Variants in CNTNAP5 observed in about 807,000 individuals in gnomAD.
The protein encoded by CNTNAP5 is contactin associated protein family member 5, also known as contactin-associated protein-like 5.
Under a neutral mutation model 150.2 loss-of-function variants are expected in CNTNAP5, and 72 were observed. The observed-to-expected ratio is 0.48, with a 90% CI of 0.40 to 0.58. The LOEUF (loss-of-function observed/expected upper bound fraction) is 0.58, where lower values mean the gene tolerates loss of function less well. CNTNAP5 is among the 20% of genes least tolerant of loss of function. The pLI is 0.00. For missense variants in CNTNAP5, 1,636 were observed against 1,626.2 expected, an observed-to-expected ratio of 1.01 and a Z score of -0.10; for synonymous variants, 672 against 619.8, an observed-to-expected ratio of 1.08 and a Z score of -1.25.
chr2:124,580,022 G>T (rs1696374527), intron 11 of CNTNAP5, among the ~76,000 whole-genome samples: 1 of 152,132 alleles, frequency 6.6e-6, no homozygotes. Flanking sequence ...TTTGTTCTTT[G>T]TTTGTTTGTT....
intron 7 of CNTNAP5, among the ~76,000 whole-genome samples, chr2:124,494,384 C>G (rs898946137): frequency 1.3e-5 from 2 of 152,050 alleles, no homozygotes; most frequent in African/African-American, 4.8e-5. Flanking sequence ...TACATCCCAG[C>G]TCCTGCAGAT....
intron 16 of CNTNAP5, among the ~76,000 whole-genome samples, 153 bp from the exon 17 acceptor site, chr2:124,772,646 G>T (rs1681229024): frequency 6.6e-6 from 1 of 152,180 alleles, no homozygotes; most frequent in Non-Finnish European, 1.5e-5. Flanking sequence ...TTTGGTAGCT[G>T]TTACTATTAA....
At chr2:124,525,342 G>C (rs981201665) in intron 9 of CNTNAP5, among the ~76,000 whole-genome samples, 1 of 152,188 alleles carries the variant, frequency 6.6e-6, no homozygotes, top group Non-Finnish European at 1.5e-5. Flanking sequence ...CAGAATTTCT[G>C]GAAAAGTTAA....
At chr2:124,615,478 A>C in intron 12 of CNTNAP5, among the ~76,000 whole-genome samples, 1 of 152,330 alleles carries the variant, frequency 6.6e-6, no homozygotes, top group South Asian at 2.1e-4. Context: ...AAATTTTATC[A>C]TGAGAATATA....
At chr2:124,439,196 G>A (rs549337942) in intron 5 of CNTNAP5, among the ~76,000 whole-genome samples, 1 of 152,210 alleles carries the variant, frequency 6.6e-6, no homozygotes, top group African/African-American at 2.4e-5. Context: ...GGAGAGGGGA[G>A]AAAAACAGGT....
chr2:124,070,411 A>G (rs1682276085), intron 1 of CNTNAP5, among the ~76,000 whole-genome samples: 1 of 150,020 alleles, frequency 6.7e-6, no homozygotes, highest in Non-Finnish European at 1.5e-5. Flanking sequence ...AAAAAAAAAA[A>G]AAAAAAAAGC....
At chr2:124,656,505 A>G (rs1310369571) in intron 13 of CNTNAP5, among the ~76,000 whole-genome samples, 1 of 152,170 alleles carries the variant, frequency 6.6e-6, no homozygotes, top group African/African-American at 2.4e-5. Context: ...CTAGTAATTT[A>G]CTCTTGGTAT....
intron 19 of CNTNAP5, among the ~76,000 whole-genome samples, chr2:124,849,309 T>C (rs1308395486): frequency 6.6e-6 from 1 of 152,158 alleles, no homozygotes; most frequent in Admixed American, 6.5e-5. Context: ...ATTTCTGGGA[T>C]CTCTCCTCTA....
chr2:124,448,139 G>A (rs890384348), intron 6 of CNTNAP5, among the ~76,000 whole-genome samples: 4 of 151,906 alleles, frequency 2.6e-5, no homozygotes, highest in East Asian at 1.9e-4. Context: ...ATGGTGGCTC[G>A]CGCCTGTAGT....
intron 1 of CNTNAP5, among the ~76,000 whole-genome samples, chr2:124,172,698 G>C (rs991270183): frequency 6.6e-6 from 1 of 152,092 alleles, no homozygotes. Flanking sequence ...ACAGGTGTGA[G>C]CCATGGCACC....
At chr2:124,706,759 A>C (rs1028925997) in intron 13 of CNTNAP5, among the ~76,000 whole-genome samples, 12 of 28,404 alleles carry the variant, frequency 4.2e-4, no homozygotes, top group Non-Finnish European at 7.0e-4. Context: ...GAAGAAGAAG[A>C]AGAAGAAGAA....
Position 124,605,304 on chromosome 2 carries a change from G to A in CNTNAP5, c.1757-4497G>A, listed in dbSNP as rs72972560. Among the ~76,000 whole-genome samples, 527 of 152,270 alleles carry A rather than the reference G, an allele frequency of 3.5e-3. 3 individuals are homozygous for A. The highest frequency in any genetic ancestry group is 0.012 in the African/African-American group (500 of 41,568). On this transcript the variant is annotated intron_variant, in intron 11 of 23. Transcript: ENST00000682447. The stretch of plus-strand genomic sequence containing the variant: ...TTTTATGTGTGTTTGTTTTTATACA[G>A]CAAAAGAACTGATGCACTGAGGATA...
chr2:124,153,748 T>A (rs1684458984), intron 1 of CNTNAP5, among the ~76,000 whole-genome samples: 1 of 151,660 alleles, frequency 6.6e-6, no homozygotes, highest in East Asian at 1.9e-4. Flanking sequence ...TAGCTGAGAT[T>A]ACAGGCGTAT....
intron 13 of CNTNAP5, among the ~76,000 whole-genome samples, chr2:124,733,742 C>T (rs1336121731): frequency 2.0e-5 from 3 of 151,930 alleles, no homozygotes; most frequent in African/African-American, 4.8e-5. Context: ...GCATTGTAAT[C>T]GAATAGTTAG....
intron 3 of CNTNAP5, among the ~76,000 whole-genome samples, chr2:124,358,298 C>T (rs1690081361): frequency 1.3e-5 from 2 of 152,038 alleles, no homozygotes; most frequent in South Asian, 4.2e-4. Context: ...CCTTTATTTC[C>T]TTCTCCTGCC....
intron 1 of CNTNAP5, among the ~76,000 whole-genome samples, chr2:124,206,878 A>T (rs918258968): frequency 6.6e-6 from 1 of 152,186 alleles, no homozygotes; most frequent in African/African-American, 2.4e-5. Context: ...ATCAGGGTCC[A>T]GTTGTTTTGA....
intron 10 of CNTNAP5, among the ~76,000 whole-genome samples, chr2:124,553,283 C>A (rs1187516322): frequency 6.6e-6 from 1 of 152,270 alleles, no homozygotes; most frequent in East Asian, 1.9e-4. Flanking sequence ...GCAGGCAGAT[C>A]TCCTGAGGTC....
chr2:124,399,390 T>A (rs1256353951), intron 3 of CNTNAP5, among the ~76,000 whole-genome samples: 1 of 152,176 alleles, frequency 6.6e-6, no homozygotes, highest in Non-Finnish European at 1.5e-5. Flanking sequence ...TCTGCCTTCA[T>A]ATTCCTCTTT....
At chr2:124,835,255 G>T (rs1682805034) in intron 19 of CNTNAP5, among the ~76,000 whole-genome samples, 1 of 93,530 alleles carries the variant, frequency 1.1e-5, no homozygotes, top group Non-Finnish European at 2.6e-5. Flanking sequence ...GGACACTCAG[G>T]TTAATTTAAA....
Sources: allele counts gnomAD v4.1 joint callset (sites outside exome capture counted in the v4.1 genomes callset), GRCh38; gene constraint gnomAD v4.1.1; transcripts MANE v1.5; gene names NCBI Gene and HGNC (gene_info 2026-07-23, HGNC 2026-07-21).